The following FSHR variants were observed in gnomAD, a reference collection of about 807,000 sequenced individuals.
The protein encoded by FSHR is follicle-stimulating hormone receptor.
Under a neutral mutation model 52.1 loss-of-function variants are expected in FSHR, and 46 were observed. That is an observed-to-expected ratio of 0.88 (90% CI 0.70 to 1.13). FSHR has a LOEUF of 1.13. Among genes scored for constraint, FSHR ranks in the 50% most tolerant of loss-of-function variants. The pLI, the probability that FSHR is intolerant of heterozygous loss-of-function variation, is 0.00. For missense variants in FSHR, 964 were observed against 834.6 expected, an observed-to-expected ratio of 1.16 and a Z score of -1.91; for synonymous variants, 399 against 309.6, an observed-to-expected ratio of 1.29 and a Z score of -3.03.
At chr2:49,124,139 C>T (rs570859020) in intron 1 of FSHR, among the ~76,000 whole-genome samples, 1 of 148,964 alleles carries the variant, frequency 6.7e-6, no homozygotes, top group Admixed American at 6.8e-5. Flanking sequence ...ATTACAGGCA[C>T]CCACCACCAC....
intron 4 of FSHR, among the ~76,000 whole-genome samples, chr2:49,007,718 A>G (rs1559128418): frequency 6.6e-6 from 1 of 152,174 alleles, no homozygotes; most frequent in African/African-American, 2.4e-5. Flanking sequence ...AATAACGGAA[A>G]GGAAAAGAGA....
At chr2:49,016,021 C>T (rs1298012986) in intron 4 of FSHR, among the ~76,000 whole-genome samples, 1 of 152,076 alleles carries the variant, frequency 6.6e-6, no homozygotes, top group African/African-American at 2.4e-5. Flanking sequence ...AGCAGAAGTT[C>T]CAGGTCATAT....
intron 8 of FSHR, among the ~76,000 whole-genome samples, chr2:48,982,381 C>A (rs986845010): frequency 6.6e-6 from 1 of 152,060 alleles, no homozygotes; most frequent in African/African-American, 2.4e-5. Context: ...AAAGAGGATC[C>A]AAAAATAATG....
chr2:49,084,097 A>C (rs1670282420), intron 1 of FSHR, among the ~76,000 whole-genome samples: 1 of 152,138 alleles, frequency 6.6e-6, no homozygotes, highest in South Asian at 2.1e-4. Flanking sequence ...ACTTGGAAGT[A>C]AAGCTCTCCT....
rs576963616 is a variant in FSHR, at chr2:49,114,124, C to T, written c.152+40142G>A. On this transcript the variant is annotated intron_variant, in intron 1 of 9. Transcript: ENST00000406846. ...AGAAAATCCATCATCTTACTCCCCT[C>T]CTTCGTTACCACAGGATGACACAGA... Among the ~76,000 whole-genome samples the T allele has an allele frequency of 4.6e-5, 7 of 152,280 alleles. No homozygotes were observed. The East Asian group carries it at 1.4e-3, about 29-fold the overall frequency.
intron 8 of FSHR, among the ~76,000 whole-genome samples, chr2:48,970,304 T>A (rs1674682130): frequency 6.6e-6 from 1 of 152,188 alleles, no homozygotes; most frequent in Non-Finnish European, 1.5e-5. Context: ...TGCTTTTATT[T>A]CCTCATCTCA....
At chr2:49,126,656 G>T (rs967370975) in intron 1 of FSHR, among the ~76,000 whole-genome samples, 1 of 152,184 alleles carries the variant, frequency 6.6e-6, no homozygotes, top group African/African-American at 2.4e-5. Flanking sequence ...GATTGGAAGG[G>T]ACTGGGGATC....
intron 4 of FSHR, among the ~76,000 whole-genome samples, chr2:49,001,220 T>C (rs140482135): frequency 6.6e-6 from 1 of 152,128 alleles, no homozygotes; most frequent in Non-Finnish European, 1.5e-5. Flanking sequence ...ATTAAAGTCA[T>C]TTAACGCTGC....
At chr2:49,053,420 T>A (rs1420040721) in intron 2 of FSHR, among the ~76,000 whole-genome samples, 3 of 152,192 alleles carry the variant, frequency 2.0e-5, no homozygotes, top group African/African-American at 7.2e-5. Context: ...CATTGTCACC[T>A]ACTCCCCCCA....
At chr2:49,043,067 C>G (rs1037780166) in intron 2 of FSHR, among the ~76,000 whole-genome samples, 2 of 152,224 alleles carry the variant, frequency 1.3e-5, no homozygotes, top group African/African-American at 2.4e-5. Flanking sequence ...ATTCACTTGA[C>G]TTCCTCTAGG....
intron 1 of FSHR, among the ~76,000 whole-genome samples, chr2:49,149,145 A>T (rs1172880018): frequency 6.6e-6 from 1 of 152,036 alleles, no homozygotes; most frequent in Non-Finnish European, 1.5e-5. Context: ...AAAAGTTTGA[A>T]ACCTATATGA....
At chr2:48,976,310 C>T (rs1674985402) in intron 8 of FSHR, among the ~76,000 whole-genome samples, 1 of 152,160 alleles carries the variant, frequency 6.6e-6, no homozygotes, top group Non-Finnish European at 1.5e-5. Flanking sequence ...GTATTTTGAA[C>T]CAGCCTTGCA....
chr2:49,085,261 T>C (rs1321968562), intron 1 of FSHR, among the ~76,000 whole-genome samples: 1 of 152,250 alleles, frequency 6.6e-6, no homozygotes, highest in Non-Finnish European at 1.5e-5. Flanking sequence ...ATTATCTCGA[T>C]AGATGCAGAA....
chr2:49,061,126 C>T (rs1346323339), intron 2 of FSHR, among the ~76,000 whole-genome samples: 1 of 152,048 alleles, frequency 6.6e-6, no homozygotes, highest in Non-Finnish European at 1.5e-5. Context: ...ACCCAAGCTG[C>T]TAGGGGGTGC....
intron 1 of FSHR, among the ~76,000 whole-genome samples, chr2:49,074,747 C>T (rs1283327570): frequency 2.6e-5 from 4 of 151,736 alleles, no homozygotes; most frequent in East Asian, 1.9e-4. Flanking sequence ...CAGCACTACT[C>T]CAATAGCTAA....
At chr2:49,005,124 G>T (rs2104160363) in intron 4 of FSHR, among the ~76,000 whole-genome samples, 1 of 152,272 alleles carries the variant, frequency 6.6e-6, no homozygotes, top group South Asian at 2.1e-4. Flanking sequence ...GATGGATCAA[G>T]TGATCTCTTT....
At chr2:49,019,613 A>G (rs1053987052) in intron 3 of FSHR, among the ~76,000 whole-genome samples, 4 of 152,230 alleles carry the variant, frequency 2.6e-5, no homozygotes, top group Admixed American at 1.3e-4. Flanking sequence ...GGGTAATCCT[A>G]TGACATATGT....
intron 6 of FSHR, 56 bp downstream of exon 6, chr2:48,988,921 G>A: frequency 1.4e-6 from 2 of 1,430,094 alleles, no homozygotes; most frequent in Non-Finnish European, 2.0e-6. Context: ...ATGAGAAAGA[G>A]ATCACTAAAT....
chr2:49,077,708 G>A (rs1387221045), intron 1 of FSHR, among the ~76,000 whole-genome samples: 1 of 152,094 alleles, frequency 6.6e-6, no homozygotes, highest in East Asian at 1.9e-4. Flanking sequence ...CAAGTCTTGA[G>A]TGCTTTGCTG....
Sources: gnomAD v4.1 joint callset for allele counts (sites outside exome capture counted in the v4.1 genomes callset) on GRCh38, gnomAD v4.1.1 for gene constraint, MANE v1.5 for transcripts, NCBI Gene and HGNC (gene_info 2026-07-23, HGNC 2026-07-21) for gene names.